Variants in HERC1 observed in about 807,000 individuals in gnomAD.
HERC1 encodes HECT and RLD domain containing E3 ubiquitin protein ligase family member 1.
HERC1 carries 160 observed loss-of-function variants against 554.3 expected under a neutral mutation model. That is an observed-to-expected ratio of 0.29 (90% CI 0.25 to 0.33). HERC1 has a LOEUF of 0.33. Among genes scored for constraint, HERC1 ranks in the 10% least tolerant of loss-of-function variants. The pLI is 1.00. For synonymous variants in HERC1, 2,175 were observed against 2,131.7 expected (o/e 1.02, Z -0.56); for missense variants, 4,919 against 5,918.5 (o/e 0.83, Z 5.54).
rs2068669165 is a variant in HERC1, at chr15:63,633,838, C to T, written c.12693+10G>A. Reference sequence around the variant, plus strand: ...GTTGTCTGAAAACCTAGACTCAAGGCAGTACTGACCTGAGGTGAAGATTTT... The same window carrying T: ...GTTGTCTGAAAACCTAGACTCAAGGTAGTACTGACCTGAGGTGAAGATTTT... On this transcript the variant is annotated intron_variant, in intron 67 of 77. Transcript: ENST00000443617. 1 of 1,611,704 alleles carries T rather than the reference C, an allele frequency of 6.2e-7. No homozygotes were observed.
rs1461304937 is a variant in HERC1, at chr15:63,833,830, G to T, written c.-30C>A. The T allele has an allele frequency of 6.6e-6, 1 of 152,648 alleles. No homozygotes were observed. Among genetic ancestry groups the T allele is most frequent in the Non-Finnish European group, 1.5e-5 (1 of 68,518 alleles). 9.5% of individuals were successfully genotyped at this position (152,648 alleles called of 1,614,324 possible). A position where few individuals can be genotyped will look rare whatever the true frequency, so the allele number is the denominator to read the frequency against. ...GGTAGATGATGCGTTACCGTACGTGGCTCTGGAGCTGGCGGGGTGGGGCGC... is the reference window on the plus strand; with the variant it reads ...GGTAGATGATGCGTTACCGTACGTGTCTCTGGAGCTGGCGGGGTGGGGCGC... On this transcript the variant is annotated 5_prime_UTR_variant, in exon 1 of 78. Transcript: ENST00000443617.
intron 51 of HERC1, 38 bp from the exon 52 acceptor site, chr15:63,652,579 T>C: frequency 1.4e-6 from 2 of 1,457,470 alleles, no homozygotes; most frequent in Non-Finnish European, 9.3e-7. Flanking sequence ...TAATTTTCTA[T>C]TCAAATGATT....
rs562025184 is a variant in HERC1, at chr15:63,756,107, T to C, written c.1533+330A>G. ...CTAAAGGATTAAAGTAGAGACCTTA[T>C]CTGTCTTGTTCACTGCTACAAGTCT... On this transcript the variant is annotated intron_variant, in intron 5 of 77. Transcript: ENST00000443617. The surrounding 1 kb of genome is among the most constrained non-coding windows in gnomAD (Gnocchi z 5.0). Among the ~76,000 whole-genome samples the C allele has an allele frequency of 3.9e-4, 59 of 152,374 alleles. No homozygotes were observed. Among genetic ancestry groups the C allele is most frequent in the Non-Finnish European group, 7.8e-4 (53 of 68,046 alleles).
intron 19 of HERC1, among the ~76,000 whole-genome samples, chr15:63,722,406 C>T (rs990351464): frequency 6.6e-6 from 1 of 152,220 alleles, no homozygotes; most frequent in Non-Finnish European, 1.5e-5. Context: ...GTTAAACAGA[C>T]TCTTAAAATA....
rs2068898299 is a variant in HERC1, at chr15:63,638,770, T to C, written c.11908A>G (p.Ser3970Gly). The C allele has an allele frequency of 6.2e-7, 1 of 1,613,394 alleles. No homozygotes were observed. Among genetic ancestry groups the C allele is most frequent in the South Asian group, 1.1e-5 (1 of 91,068 alleles). Residue 3970 changes from serine (S) to glycine (G), a missense_variant, in exon 62 of 78, where the codon AGT (serine) becomes GGT (glycine). Transcript: ENST00000443617. ...EDELVFLMDNSKWINGMDEQI... is the reference protein window; with the variant it reads ...EDELVFLMDNGKWINGMDEQI... ...TCATCCATGCCGTTAATCCATTTAC[T>C]GTTATCCTGAAAAACAGGGGGTACA...
At chr15:63,803,153 T>C (rs1183105345) in intron 1 of HERC1, among the ~76,000 whole-genome samples, 1 of 152,166 alleles carries the variant, frequency 6.6e-6, no homozygotes, top group Non-Finnish European at 1.5e-5. Context: ...GAGCCATAAT[T>C]GTGCCCCTGG....
At position 63,749,299 on chromosome 15, in the gene HERC1, A is replaced by G; in HGVS notation, c.2219+68T>C. ...AAGCACAATTATTTCTGTTTTTATT[A>G]GTGTTTCTACTTTTTATTGGTGTTT... On this transcript the variant is annotated intron_variant, in intron 10 of 77. Transcript: ENST00000443617. The surrounding 1 kb of genome is among the most constrained non-coding windows in gnomAD (Gnocchi z 4.1). The G allele has an allele frequency of 8.5e-7, 1 of 1,170,008 alleles. No homozygotes were observed. The highest frequency in any genetic ancestry group is 1.6e-5 in the South Asian group (1 of 63,460). 72.5% of individuals were successfully genotyped at this position (1,170,008 alleles called of 1,614,324 possible).
At chr15:63,660,227 G>A (rs1017326495) in intron 46 of HERC1, among the ~76,000 whole-genome samples, 7 of 152,254 alleles carry the variant, frequency 4.6e-5, no homozygotes, top group East Asian at 1.9e-4. Flanking sequence ...GGCTGAGACC[G>A]GAGAATTGCT....
At position 63,623,905 on chromosome 15, in the gene HERC1, G is replaced by A. The variant is rs1356455923; in HGVS notation, c.13446-15C>T. 6 of 1,612,102 alleles carry A rather than the reference G, an allele frequency of 3.7e-6. No individual in the cohort carries two copies. The African/African-American group carries it at 4.0e-5, about 11-fold the overall frequency. Reference sequence around the variant, plus strand: ...ACTTCCGTCCTCTTTAAAAGAAAGGGAGAAAGCAATGAAATACAACTCTTA... The same window carrying A: ...ACTTCCGTCCTCTTTAAAAGAAAGGAAGAAAGCAATGAAATACAACTCTTA... On this transcript the variant is annotated splice_polypyrimidine_tract_variant and intron_variant, in intron 72 of 77. Coordinates refer to ENST00000443617, the MANE Select transcript of HERC1 (RefSeq NM_003922.4).
At position 63,642,861 on chromosome 15, in the gene HERC1, T is replaced by C. The variant is rs2069139980; in HGVS notation, c.11433+96A>G. ...GGACAAGTAGTAATCCCTCTGGACA[T>C]CAGGTTTCTCCTCCATAAAGTGGGG... On this transcript the variant is annotated intron_variant, in intron 59 of 77. Coordinates refer to ENST00000443617, the MANE Select transcript of HERC1 (RefSeq NM_003922.4). 5.5e-6 allele frequency: 4 copies of C among 731,026 alleles called. No homozygotes were observed. The South Asian group carries it at 6.2e-5, about 11-fold the overall frequency. 45.3% of individuals were successfully genotyped at this position (731,026 alleles called of 1,614,324 possible). A position where few individuals can be genotyped will look rare whatever the true frequency, so the allele number is the denominator to read the frequency against.
At chr15:63,829,437 C>T (rs2078052221) in intron 1 of HERC1, among the ~76,000 whole-genome samples, 1 of 134,588 alleles carries the variant, frequency 7.4e-6, no homozygotes, top group South Asian at 2.4e-4. Context: ...AAGAAAGAAA[C>T]GTCAGTATGT....
In HERC1 at chr15:63,658,765, T is replaced by TA. The variant is rs745631654; in HGVS notation, c.9425-48dup. 16 of 1,474,280 alleles carry TA rather than the reference T, an allele frequency of 1.1e-5. No individual in the cohort carries two copies. In the East Asian group the frequency reaches 3.7e-4, roughly 34 times the overall value. The allele number at this position is 1,474,280 out of a possible 1,614,324, so 91.3% of individuals were successfully genotyped here. ...TGTTCTCAACAAGGTAAGAAAAAAA[T>TA]ACATCTGAACTACTAAAAACATTTC... On this transcript the variant is annotated intron_variant, in intron 47 of 77. Transcript: ENST00000443617.
At chr15:63,721,969 T>C (rs1229561377) in intron 19 of HERC1, among the ~76,000 whole-genome samples, 3 of 152,206 alleles carry the variant, frequency 2.0e-5, no homozygotes, top group African/African-American at 7.2e-5. Flanking sequence ...CAAGTGATTG[T>C]TGTCCTTTAG....
intron 14 of HERC1, among the ~76,000 whole-genome samples, chr15:63,732,068 C>G (rs185021589): frequency 1.7e-3 from 260 of 152,178 alleles, no homozygotes; most frequent in African/African-American, 6.0e-3. Context: ...GTGGTGCGAC[C>G]TCAGCTCACT....
chr15:63,654,353 G>A (rs1225791101), intron 50 of HERC1, 29 bp from the exon 51 acceptor site: 1 of 1,560,466 alleles, frequency 6.4e-7, no homozygotes, highest in East Asian at 2.3e-5. Flanking sequence ...AGGAAGGATG[G>A]GCATACAATT....
intron 25 of HERC1, among the ~76,000 whole-genome samples, chr15:63,705,795 C>A (rs1297824970): frequency 6.6e-6 from 1 of 151,892 alleles, no homozygotes; most frequent in African/African-American, 2.4e-5. Context: ...TTTGGGAGGC[C>A]AAGGTGGGAG....
rs2072262400 is a variant in HERC1, at chr15:63,693,904, C to T, written c.5674+60G>A. The T allele has an allele frequency of 6.1e-6, 9 of 1,483,986 alleles. No homozygotes were observed. The Admixed American group carries it at 9.3e-5, about 15-fold the overall frequency. The allele number at this position is 1,483,986 out of a possible 1,614,324, so 91.9% of individuals were successfully genotyped here. A position where few individuals can be genotyped will look rare whatever the true frequency, so the allele number is the denominator to read the frequency against. ...AGGAACTCTACATCCTAATCATATG[C>T]ACACAATGGGGTTTTAATAAATGCT... is the stretch of plus-strand genomic sequence containing the variant. On this transcript the variant is annotated intron_variant, in intron 30 of 77. Coordinates refer to ENST00000443617, the MANE Select transcript of HERC1 (RefSeq NM_003922.4).
chr15:63,813,315 CA>C (rs1446193393), intron 1 of HERC1, among the ~76,000 whole-genome samples: 1 of 125,842 alleles, frequency 7.9e-6, no homozygotes, highest in Admixed American at 7.8e-5. Context: ...GAGATGGACA[CA>C]CACACACACA....
Position 63,659,939 on chromosome 15 carries a change from G to A in HERC1, c.9224-3C>T. On this transcript the variant is annotated splice_polypyrimidine_tract_variant and splice_region_variant and intron_variant, in intron 46 of 77. Coordinates refer to ENST00000443617, the MANE Select transcript of HERC1 (RefSeq NM_003922.4). ...AACATCCAACATGTCCCAGTCTTCT[G>A]GAATTTAAATAAATAAATGTATAGT... 2.5e-6 allele frequency: 4 copies of A among 1,593,588 alleles called. No homozygotes were observed. The highest frequency in any genetic ancestry group is 3.4e-6 in the Non-Finnish European group (4 of 1,163,120).
Sources: gnomAD v4.1 joint callset for allele counts (sites outside exome capture counted in the v4.1 genomes callset) on GRCh38, gnomAD v4.1.1 for gene constraint, Gnocchi (gnomAD v3.1) non-coding constraint, MANE v1.5 for transcripts, NCBI Gene and HGNC (gene_info 2026-07-23, HGNC 2026-07-21) for gene names.